The following SCP2 variants were observed in gnomAD, a reference collection of about 807,000 sequenced individuals.
SCP2 encodes sterol carrier protein 2, also known as SCP-2/3-oxoacyl-CoA thiolase.
A neutral mutation model predicts 71.4 loss-of-function variants in SCP2; 48 were observed. That is an observed-to-expected ratio of 0.67 (90% confidence interval 0.53 to 0.86). SCP2 has a LOEUF of 0.86. SCP2 is among the 40% of genes least tolerant of loss of function. The pLI, the probability that SCP2 is intolerant of heterozygous loss-of-function variation, is 0.00. For missense variants in SCP2, 560 were observed against 655.6 expected (o/e 0.85, Z 1.59); for synonymous variants, 220 against 218.1 (o/e 1.01, Z -0.08).
intron 12 of SCP2, among the ~76,000 whole-genome samples, chr1:53,019,132 G>T (rs1033458232): frequency 2.6e-5 from 4 of 152,160 alleles, no homozygotes; most frequent in Non-Finnish European, 2.9e-5. Flanking sequence ...GCATGAGGTT[G>T]TTTAACCCAT....
intron 11 of SCP2, among the ~76,000 whole-genome samples, chr1:52,991,317 A>G (rs1467546501): frequency 6.6e-6 from 1 of 152,196 alleles, no homozygotes; most frequent in Non-Finnish European, 1.5e-5. Flanking sequence ...CTTCCCAACT[A>G]CAAAAGGGAG....
chr1:53,047,427 A>G (rs1663891632), intron 14 of SCP2, among the ~76,000 whole-genome samples: 1 of 152,228 alleles, frequency 6.6e-6, no homozygotes, highest in African/African-American at 2.4e-5. Flanking sequence ...TATTAGTAAT[A>G]TATTGGTGTC....
Position 52,975,166 on chromosome 1 carries a change from C to T in SCP2, c.587+334C>T, listed in dbSNP as rs534950185. On this transcript the variant is annotated intron_variant, in intron 7 of 15. Transcript: ENST00000371514. ...CTAGTAGCTGGGACTACAGGAGCCA[C>T]CATGCCCGGCTAATTATTATTATTA... 4.0e-5 allele frequency among the ~76,000 whole-genome samples: 6 copies of T among 151,710 alleles called. No individual in the cohort carries two copies. The East Asian group carries it at 9.7e-4, about 24-fold the overall frequency.
At chr1:53,029,097 A>T (rs1263094750) in intron 13 of SCP2, among the ~76,000 whole-genome samples, 1 of 151,886 alleles carries the variant, frequency 6.6e-6, no homozygotes, top group African/African-American at 2.4e-5. Flanking sequence ...GTTTTTTATT[A>T]TACTATATAT....
chr1:52,990,857 G>T (rs1659435301), intron 11 of SCP2, among the ~76,000 whole-genome samples: 1 of 152,024 alleles, frequency 6.6e-6, no homozygotes, highest in African/African-American at 2.4e-5. Context: ...TAAGAGATTA[G>T]GCCACAAAAG....
At chr1:53,033,265 C>CT (rs1662678676) in intron 13 of SCP2, among the ~76,000 whole-genome samples, 1 of 152,184 alleles carries the variant, frequency 6.6e-6, no homozygotes, top group South Asian at 2.1e-4. Flanking sequence ...AGACCCATGT[C>CT]TAAGATTCCA....
intron 13 of SCP2, among the ~76,000 whole-genome samples, chr1:53,037,907 C>CAT (rs1458278383): frequency 7.8e-6 from 1 of 128,468 alleles, no homozygotes; most frequent in Non-Finnish European, 1.6e-5. Flanking sequence ...CACACACACA[C>CAT]ACACACACAC....
intron 13 of SCP2, among the ~76,000 whole-genome samples, chr1:53,034,461 CA>C (rs1421386874): frequency 3.3e-5 from 5 of 152,078 alleles, no homozygotes; most frequent in Non-Finnish European, 5.9e-5. Context: ...GTGGAGGAGA[CA>C]GGGAATGACT....
chr1:52,983,594 C>G (rs1246641753), intron 10 of SCP2, among the ~76,000 whole-genome samples: 1 of 152,182 alleles, frequency 6.6e-6, no homozygotes, highest in Non-Finnish European at 1.5e-5. Context: ...TCTTTCTACT[C>G]ATGAACCATT....
chr1:52,990,733 C>CAAAAAA (rs61221989), intron 11 of SCP2, among the ~76,000 whole-genome samples: 2 of 62,408 alleles, frequency 3.2e-5, no homozygotes, highest in Non-Finnish European at 6.3e-5. Context: ...GACTCCGTCT[C>CAAAAAA]AAAAAAAAAA....
At chr1:52,983,479 A>T (rs982422899) in intron 10 of SCP2, among the ~76,000 whole-genome samples, 1 of 152,156 alleles carries the variant, frequency 6.6e-6, no homozygotes, top group Non-Finnish European at 1.5e-5. Context: ...ATATTGTCCC[A>T]TAGGTCCCTG....
chr1:53,034,175 G>A (rs1662754120), intron 13 of SCP2, among the ~76,000 whole-genome samples: 1 of 151,970 alleles, frequency 6.6e-6, no homozygotes, highest in South Asian at 2.1e-4. Flanking sequence ...TACTTAGGAG[G>A]CAGAGGCAGG....
chr1:52,936,162 T>C (rs969008213), intron 1 of SCP2, among the ~76,000 whole-genome samples: 3 of 152,252 alleles, frequency 2.0e-5, no homozygotes, highest in Non-Finnish European at 4.4e-5. Context: ...AATACAATTA[T>C]TTTTCATAGA....
chr1:53,010,203 T>A (rs1660894081), intron 11 of SCP2, among the ~76,000 whole-genome samples: 1 of 152,190 alleles, frequency 6.6e-6, no homozygotes, highest in South Asian at 2.1e-4. Flanking sequence ...GTTCAACCAT[T>A]GTGGAAGACA....
At chr1:53,010,084 T>C (rs1391786908) in intron 11 of SCP2, among the ~76,000 whole-genome samples, 2 of 152,216 alleles carry the variant, frequency 1.3e-5, no homozygotes, top group East Asian at 3.9e-4. Context: ...TGAGATACCA[T>C]CTCACACCAG....
intron 13 of SCP2, among the ~76,000 whole-genome samples, chr1:53,037,531 G>A (rs1663044860): frequency 6.6e-6 from 1 of 152,154 alleles, no homozygotes; most frequent in Non-Finnish European, 1.5e-5. Flanking sequence ...AAAAAAAGAG[G>A]ACGGGAGGGA....
intron 11 of SCP2, among the ~76,000 whole-genome samples, chr1:52,988,688 CT>C (rs71744669): frequency 0.28 from 37,531 of 133,154 alleles, 7,816 homozygotes; most frequent in African/African-American, 0.64. Context: ...TCTTTCTTTT[CT>C]TTTTTTTTTT....
intron 11 of SCP2, among the ~76,000 whole-genome samples, chr1:53,005,416 A>G (rs1457734148): frequency 1.3e-5 from 2 of 152,160 alleles, no homozygotes; most frequent in African/African-American, 4.8e-5. Context: ...TCCCTCTGAG[A>G]TGAAGCATCC....
At chr1:52,932,457 C>A (rs1653248788) in intron 1 of SCP2, among the ~76,000 whole-genome samples, 1 of 152,108 alleles carries the variant, frequency 6.6e-6, no homozygotes. Flanking sequence ...CATCCCTACT[C>A]ACAAAGCTAA....
Sources: gnomAD v4.1 joint callset for allele counts (sites outside exome capture counted in the v4.1 genomes callset) on GRCh38, gnomAD v4.1.1 for gene constraint, MANE v1.5 for transcripts, NCBI Gene and HGNC (gene_info 2026-07-23, HGNC 2026-07-21) for gene names.